DOCK4: variants seen among roughly 807,000 people sequenced by gnomAD.
DOCK4 encodes the protein dedicator of cytokinesis 4.
Under a neutral mutation model 268.1 loss-of-function variants are expected in DOCK4, and 97 were observed. That is an observed-to-expected ratio of 0.36 (90% CI 0.31 to 0.43). DOCK4 has a LOEUF of 0.43. Ranked by LOEUF, DOCK4 falls within the 20% of genes least tolerant of loss-of-function variation. DOCK4 has a pLI of 1.00. For synonymous variants in DOCK4, 954 were observed against 887.2 expected (o/e 1.08, Z -1.34); for missense variants, 2,145 against 2,455.7 (o/e 0.87, Z 2.67).
chr7:111,796,629 G>A (rs1010518892), intron 30 of DOCK4, among the ~76,000 whole-genome samples: 3 of 151,842 alleles, frequency 2.0e-5, no homozygotes, highest in African/African-American at 4.9e-5. Flanking sequence ...GGGATTTTAA[G>A]TTCGGAAGTT....
chr7:112,171,022 C>T (rs1464915702), intron 1 of DOCK4, among the ~76,000 whole-genome samples: 1 of 152,190 alleles, frequency 6.6e-6, no homozygotes, highest in Non-Finnish European at 1.5e-5. Context: ...TGAACATGAA[C>T]CAGACTTCTT....
chr7:112,162,065 TA>T (rs1395035114), intron 1 of DOCK4, among the ~76,000 whole-genome samples: 1 of 152,238 alleles, frequency 6.6e-6, no homozygotes, highest in Non-Finnish European at 1.5e-5. Context: ...ACAATTGATT[TA>T]AAAAATGATA....
chr7:111,983,798 G>A (rs1361827130), intron 7 of DOCK4, among the ~76,000 whole-genome samples: 3 of 150,760 alleles, frequency 2.0e-5, no homozygotes, highest in Non-Finnish European at 2.9e-5. Context: ...GGAGGAGACC[G>A]TTTCAGTAGT....
intron 39 of DOCK4, among the ~76,000 whole-genome samples, chr7:111,763,609 A>G (rs1165887622): frequency 6.6e-6 from 1 of 152,196 alleles, no homozygotes; most frequent in African/African-American, 2.4e-5. Flanking sequence ...TCTTTCAGAC[A>G]TGACTCTGCC....
chr7:112,129,533 T>C (rs913580447), intron 1 of DOCK4, among the ~76,000 whole-genome samples: 1 of 152,068 alleles, frequency 6.6e-6, no homozygotes, highest in African/African-American at 2.4e-5. Flanking sequence ...TACAAAATGA[T>C]TAAAACTGAA....
intron 1 of DOCK4, among the ~76,000 whole-genome samples, chr7:112,052,333 T>G (rs535899154): frequency 5.9e-5 from 9 of 152,268 alleles, no homozygotes; most frequent in Non-Finnish European, 8.8e-5. Context: ...CCTATATATT[T>G]TAAATCCACC....
At position 111,788,733 on chromosome 7, in the gene DOCK4, T is replaced by C. The variant is rs752458603; in HGVS notation, c.3330A>G (p.Leu1110=). 1.9e-6 allele frequency: 3 copies of C among 1,590,080 alleles called. No individual in the cohort carries two copies. The highest frequency in any genetic ancestry group is 2.6e-6 in the Non-Finnish European group (3 of 1,166,838). Residue 1110 remains leucine (L), a synonymous_variant, in exon 32 of 53, where the codon CTA becomes CTG. Coordinates refer to ENST00000428084, the MANE Select transcript of DOCK4 (RefSeq NM_001363540.2). ...ACATCAGGCTATCCAGTTTGTCAAT[T>C]AGCTTGGCTTCCACCTGAAACATAC... The part of the protein sequence containing the change: ...SGNFKQVEAK[L]IDKLDSLMSE...
chr7:111,844,726 G>A (rs1803956128), intron 25 of DOCK4, 37 bp downstream of exon 25: 2 of 1,592,554 alleles, frequency 1.3e-6, no homozygotes, highest in African/African-American at 1.3e-5. Context: ...AGCATAACCA[G>A]GCCCTGTTCC....
intron 1 of DOCK4, among the ~76,000 whole-genome samples, chr7:112,133,191 A>G (rs180828024): frequency 6.6e-6 from 1 of 152,282 alleles, no homozygotes; most frequent in Non-Finnish European, 1.5e-5. Flanking sequence ...GATGGAGGCC[A>G]TGTGGGTGCC....
At chr7:111,911,725 A>T (rs1792118606) in intron 13 of DOCK4, among the ~76,000 whole-genome samples, 1 of 152,188 alleles carries the variant, frequency 6.6e-6, no homozygotes, top group Non-Finnish European at 1.5e-5. Flanking sequence ...ATCTTGCTTT[A>T]TATTTTTCAA....
chr7:111,971,739 T>C, intron 8 of DOCK4: 1 of 314,860 alleles, frequency 3.2e-6, no homozygotes, highest in South Asian at 4.2e-5. Context: ...TGAGTAGCTG[T>C]TTGGTGGTCC....
At position 111,767,019 on chromosome 7, in the gene DOCK4, C is replaced by T. The variant is rs751341816; in HGVS notation, c.3915+13G>A. ...AGGCTATGGCCTGATCAGGATGCAT[C>T]CAGGCACCTTACCCGCATCTTGCTC... On this transcript the variant is annotated intron_variant, in intron 38 of 52. Coordinates refer to ENST00000428084, the MANE Select transcript of DOCK4 (RefSeq NM_001363540.2). 1 of 1,607,050 alleles carries T rather than the reference C, an allele frequency of 6.2e-7. No homozygotes were observed. Among genetic ancestry groups the T allele is most frequent in the South Asian group, 1.1e-5 (1 of 90,920 alleles).
At chr7:112,120,962 C>G (rs1040585282) in intron 1 of DOCK4, among the ~76,000 whole-genome samples, 20 of 152,112 alleles carry the variant, frequency 1.3e-4, no homozygotes, top group Non-Finnish European at 1.9e-4. Flanking sequence ...ATTTTTCATT[C>G]TTTGAGAACA....
intron 1 of DOCK4, among the ~76,000 whole-genome samples, chr7:112,169,455 A>C (rs34401746): frequency 0.1 from 15,411 of 152,224 alleles, 944 homozygotes; most frequent in East Asian, 0.15. Context: ...TCATTTAATT[A>C]TCTGAGGGAT....
At chr7:112,059,440 C>T (rs538150982) in intron 1 of DOCK4, among the ~76,000 whole-genome samples, 3 of 152,212 alleles carry the variant, frequency 2.0e-5, no homozygotes, top group South Asian at 2.1e-4. Flanking sequence ...CCACCCCACC[C>T]GCGTTTCCAA....
intron 42 of DOCK4, among the ~76,000 whole-genome samples, chr7:111,751,631 G>A (rs1446372797): frequency 3.3e-5 from 5 of 152,120 alleles, no homozygotes; most frequent in African/African-American, 4.8e-5. Flanking sequence ...TTTTTGTAGC[G>A]ACAGGGTTTT....
chr7:112,055,419 A>C (rs369368948), intron 1 of DOCK4, among the ~76,000 whole-genome samples: 16 of 152,280 alleles, frequency 1.1e-4, no homozygotes, highest in Non-Finnish European at 1.6e-4. Flanking sequence ...CATGCACATC[A>C]CTGAGATATG....
At chr7:111,811,723 C>T in intron 28 of DOCK4, 151 bp downstream of exon 28, 1 of 559,704 alleles carries the variant, frequency 1.8e-6, no homozygotes, top group South Asian at 2.1e-5. Context: ...GCTATGTGAA[C>T]AGTCTTCATC....
intron 13 of DOCK4, among the ~76,000 whole-genome samples, 162 bp downstream of exon 13, chr7:111,915,617 T>C (rs1313213892): frequency 2.0e-5 from 3 of 152,202 alleles, no homozygotes; most frequent in Admixed American, 6.5e-5. Context: ...GAAAAGGATA[T>C]TTTAGAAAAA....
Sources: gnomAD v4.1 joint callset for allele counts (sites outside exome capture counted in the v4.1 genomes callset) on GRCh38, gnomAD v4.1.1 for gene constraint, MANE v1.5 for transcripts, NCBI Gene and HGNC (gene_info 2026-07-23, HGNC 2026-07-21) for gene names.